Variants in ALKBH2 observed in about 807,000 individuals in gnomAD.
ALKBH2 encodes the protein DNA oxidative demethylase ALKBH2.
A neutral mutation model predicts 19.7 loss-of-function variants in ALKBH2; 19 were observed. That is an observed-to-expected ratio of 0.97 (90% CI 0.67 to 1.42). ALKBH2 has a LOEUF of 1.42. ALKBH2 is among the 40% of genes most tolerant of loss of function. The pLI, the probability that ALKBH2 is intolerant of heterozygous loss-of-function variation, is 0.00. For synonymous variants in ALKBH2, 135 were observed against 131.2 expected (o/e 1.03, Z -0.20); for missense variants, 310 against 328.5 (o/e 0.94, Z 0.43).
In ALKBH2 at chr12:109,092,888, C is replaced by T; in HGVS notation, c.-102G>A. The stretch of plus-strand genomic sequence containing the variant: ...AAATCTGTTTGTCCAAGGGGTCTCA[C>T]AGCAACATTCCTAGTTTCACATTTT... On this transcript the variant is annotated 5_prime_UTR_variant, in exon 2 of 4. The change creates a new upstream start codon in the 5' untranslated region. Coordinates refer to ENST00000429722, the MANE Select transcript of ALKBH2 (RefSeq NM_001145374.2). The T allele has an allele frequency of 1.3e-6, 2 of 1,505,956 alleles. No individual in the cohort carries two copies. Among genetic ancestry groups the T allele is most frequent in the Non-Finnish European group, 1.8e-6 (2 of 1,131,384 alleles). 93.3% of individuals were successfully genotyped at this position (1,505,956 alleles called of 1,614,324 possible). A position where few individuals can be genotyped will look rare whatever the true frequency, so the allele number is the denominator to read the frequency against.
intron 2 of ALKBH2, 186 bp downstream of exon 2, chr12:109,092,321 A>G: frequency 2.2e-6 from 2 of 891,152 alleles, no homozygotes; most frequent in Non-Finnish European, 3.0e-6. Context: ...AGTTTCTTTC[A>G]AGTTTATGTC....
chr12:109,092,351 A>T, intron 2 of ALKBH2, 156 bp downstream of exon 2: 1 of 1,158,380 alleles, frequency 8.6e-7, no homozygotes. Context: ...TAAGGGGCTT[A>T]GCCCAGAGGT....
chr12:109,090,782 C>T (rs145770260), intron 2 of ALKBH2, among the ~76,000 whole-genome samples: 19 of 152,296 alleles, frequency 1.2e-4, no homozygotes, highest in Non-Finnish European at 2.4e-4. Context: ...CTCAAGTGGT[C>T]CGCCCACCTC....
At chr12:109,089,054 G>A (rs145427325) in intron 3 of ALKBH2, among the ~76,000 whole-genome samples, 65 of 152,190 alleles carry the variant, frequency 4.3e-4, no homozygotes, top group Non-Finnish European at 4.6e-4. Flanking sequence ...CCAAAATCAC[G>A]TCTTACTGTA....
Position 109,088,214 on chromosome 12 carries a change from T to C in ALKBH2, c.778A>G (p.Lys260Glu), listed in dbSNP as rs1566113454. The change falls in exon 4 of 4, where the codon AAA (lysine) becomes GAA (glutamate). Residue 260 changes from lysine (K) to glutamate (E), a missense_variant. Coordinates refer to ENST00000429722, the MANE Select transcript of ALKBH2 (RefSeq NM_001145374.2). This position sits in a 1 kb window ranked among gnomAD's most constrained non-coding sequence, Gnocchi z 4.2. ...AACTGTTAAAAATGTTTTTATTTTT[T>C]AGTAAGCAAAATTTTACGAAAAGTC... The part of the protein sequence containing the change: ...NLTFRKILLT[K>E]K The C allele has an allele frequency of 8.8e-6, 14 of 1,591,748 alleles. No homozygotes were observed. The highest frequency in any genetic ancestry group is 1.0e-5 in the Non-Finnish European group (12 of 1,167,274).
In ALKBH2 at chr12:109,092,579, T is replaced by C. The variant is rs1396736314; in HGVS notation, c.208A>G (p.Thr70Ala). The C allele has an allele frequency of 6.2e-7, 1 of 1,613,822 alleles. No individual in the cohort carries two copies. Among genetic ancestry groups the C allele is most frequent in the Non-Finnish European group, 8.5e-7 (1 of 1,179,798 alleles). The change falls in exon 2 of 4, where the codon ACA becomes GCA. Residue 70 changes from threonine to alanine, a missense_variant. Coordinates refer to ENST00000429722, the MANE Select transcript of ALKBH2 (RefSeq NM_001145374.2). ...GCCTCAGCTTTGCCAAACAGGACTG[T>C]GTAACTGCAGTCCAGGCCCTCAGCC... ...IRAEGLDCSY[T>A]VLFGKAEADE...
Position 109,092,652 on chromosome 12 carries a change from G to A in ALKBH2, c.135C>T (p.Ala45=), listed in dbSNP as rs757207138. 1.9e-6 allele frequency: 3 copies of A among 1,613,966 alleles called. No homozygotes were observed. The highest frequency in any genetic ancestry group is 1.7e-5 in the Admixed American group (1 of 59,994). ...CTGCTGAGTGGCCTCCATTCCCTGG[G>A]GCCTCTCTCCTGGGCCTCTTCCTTG... ...ESTRKRPRRE[A]PGNGGHSAGP... Residue 45 remains alanine (A), a synonymous_variant, in exon 2 of 4, where the codon GCC becomes GCT. Coordinates refer to ENST00000429722, the MANE Select transcript of ALKBH2 (RefSeq NM_001145374.2).
In ALKBH2 at chr12:109,088,645, G is replaced by A; in HGVS notation, c.480-133C>T. ...TGTACCTGCCGTTGTTTCTGCGAGG[G>A]CTTGAGGTCCACAGTGGGCTCTAAG... is the stretch of plus-strand genomic sequence containing the variant. On this transcript the variant is annotated intron_variant, in intron 3 of 3. Transcript: ENST00000429722. The surrounding 1 kb of genome is among the most constrained non-coding windows in gnomAD (Gnocchi z 4.2). The A allele has an allele frequency of 1.3e-6, 1 of 797,034 alleles. No homozygotes were observed. Among genetic ancestry groups the A allele is most frequent in the East Asian group, 2.7e-5 (1 of 37,522 alleles). 49.4% of individuals were successfully genotyped at this position (797,034 alleles called of 1,614,324 possible).
rs761389421 is a variant in ALKBH2, at chr12:109,092,475, A to ACG, written c.280+31_280+32insCG. 1.6e-5 allele frequency: 17 copies of ACG among 1,054,534 alleles called. No individual in the cohort carries two copies. In the African/African-American group the frequency reaches 2.2e-4, roughly 14 times the overall value. 65.3% of individuals were successfully genotyped at this position (1,054,534 alleles called of 1,614,324 possible). ...ATTGCACCAAACAAGCCCTCAATGC[A>ACG]CACACACACACACACACACCCCTCT... On this transcript the variant is annotated intron_variant, in intron 2 of 3. Coordinates refer to ENST00000429722, the MANE Select transcript of ALKBH2 (RefSeq NM_001145374.2).
Position 109,088,390 on chromosome 12 carries a change from T to A in ALKBH2, c.602A>T (p.Asp201Val), listed in dbSNP as rs768043813. The A allele has an allele frequency of 6.2e-7, 1 of 1,613,526 alleles. No individual in the cohort carries two copies. The stretch of plus-strand genomic sequence containing the variant: ...CCTGGAGGGGCTTTTCCCACGGGAA[T>A]CCTTATGCCGGAAGACAAAGTCTCT... The part of the protein sequence containing the change: ...ACRDFVFRHK[D>V]SRGKSPSRRV... Residue 201 changes from aspartate to valine, a missense_variant, in exon 4 of 4, where the codon GAT becomes GTT. Asp to Val is a radical substitution (Grantham distance 152). Coordinates refer to ENST00000429722, the MANE Select transcript of ALKBH2 (RefSeq NM_001145374.2). The surrounding 1 kb of genome is among the most constrained non-coding windows in gnomAD (Gnocchi z 4.2).
rs1426973137 is a variant in ALKBH2, at chr12:109,092,633, A to G, written c.154T>C (p.Ser52Pro). The change falls in exon 2 of 4, where the codon TCA becomes CCA. Residue 52 changes from serine (S) to proline (P), a missense_variant. By Grantham distance (74) the Ser-to-Pro change is moderately conservative (BLOSUM62 -1). Transcript: ENST00000429722. The stretch of plus-strand genomic sequence containing the variant: ...ATGTGCCGCCAGCTAGGGCCTGCTG[A>G]GTGGCCTCCATTCCCTGGGGCCTCT... The part of the protein sequence containing the change: ...RREAPGNGGH[S>P]AGPSWRHIRA... 1.2e-6 allele frequency: 2 copies of G among 1,614,074 alleles called. No individual in the cohort carries two copies. Among genetic ancestry groups the G allele is most frequent in the East Asian group, 2.2e-5 (1 of 44,898 alleles).
intron 3 of ALKBH2, chr12:109,089,502 CTG>C: frequency 5.6e-6 from 1 of 177,992 alleles, no homozygotes; most frequent in South Asian, 1.2e-4. Flanking sequence ...CAACGAATGA[CTG>C]GGCCCAAAAT....
At position 109,090,220 on chromosome 12, in the gene ALKBH2, A is replaced by C. The variant is rs777731912; in HGVS notation, c.281-13T>G. 6.2e-7 allele frequency: 1 copy of C among 1,611,456 alleles called. No homozygotes were observed. The highest frequency in any genetic ancestry group is 1.7e-5 in the Admixed American group (1 of 60,014). Reference sequence around the variant, plus strand: ...CTGGCCAGTGCTCCTGTGCAGAGGAAACATGGCAGTTCCTTTCTACCTGAC... The same window carrying C: ...CTGGCCAGTGCTCCTGTGCAGAGGACACATGGCAGTTCCTTTCTACCTGAC... On this transcript the variant is annotated splice_polypyrimidine_tract_variant and intron_variant, in intron 2 of 3. Transcript: ENST00000429722.
intron 2 of ALKBH2, among the ~76,000 whole-genome samples, chr12:109,090,882 AC>A (rs1188455983): frequency 3.3e-5 from 5 of 152,234 alleles, no homozygotes; most frequent in Non-Finnish European, 7.3e-5. Context: ...CTCTTGTTCT[AC>A]AAGGAGAGAA....
intron 3 of ALKBH2, among the ~76,000 whole-genome samples, chr12:109,089,379 T>C (rs1452990685): frequency 6.6e-6 from 1 of 151,974 alleles, no homozygotes; most frequent in Non-Finnish European, 1.5e-5. Context: ...TCCACCAGGG[T>C]GATTCTGCCC....
rs923749321 is a variant in ALKBH2, at chr12:109,088,630, G to A, written c.480-118C>T. On this transcript the variant is annotated intron_variant, in intron 3 of 3. Coordinates refer to ENST00000429722, the MANE Select transcript of ALKBH2 (RefSeq NM_001145374.2). This position sits in a 1 kb window ranked among gnomAD's most constrained non-coding sequence, Gnocchi z 4.2. ...AGCACTCTGCATGGCTGTACCTGCC[G>A]TTGTTTCTGCGAGGGCTTGAGGTCC... 4.4e-5 allele frequency: 43 copies of A among 981,190 alleles called. No homozygotes were observed. The highest frequency in any genetic ancestry group is 2.6e-4 in the East Asian group (10 of 38,868). The allele number at this position is 981,190 out of a possible 1,614,324, so 60.8% of individuals were successfully genotyped here. A position where few individuals can be genotyped will look rare whatever the true frequency, so the allele number is the denominator to read the frequency against.
In ALKBH2 at chr12:109,088,514, T is replaced by C. The variant is rs764733800; in HGVS notation, c.480-2A>G. ...ATGTGGTCACAGCCATCTTTATACCTGCAATGAGAAAACAAACACAGTGCA... is the reference window on the plus strand; with the variant it reads ...ATGTGGTCACAGCCATCTTTATACCCGCAATGAGAAAACAAACACAGTGCA... On this transcript the variant is annotated splice_acceptor_variant, in intron 3 of 3. Transcript: ENST00000429722. LOFTEE classifies it high-confidence loss of function. The surrounding 1 kb of genome is among the most constrained non-coding windows in gnomAD (Gnocchi z 4.2). The C allele has an allele frequency of 1.3e-6, 2 of 1,579,364 alleles. No individual in the cohort carries two copies. Among genetic ancestry groups the C allele is most frequent in the Non-Finnish European group, 1.7e-6 (2 of 1,159,170 alleles).
In ALKBH2 at chr12:109,090,198, G is replaced by A. The variant is rs2042040673; in HGVS notation, c.290C>T (p.Ala97Val). 1 of 1,613,392 alleles carries A rather than the reference G, an allele frequency of 6.2e-7. No individual in the cohort carries two copies. Among genetic ancestry groups the A allele is most frequent in the Admixed American group, 1.7e-5 (1 of 60,008 alleles). ...CCACTTCCCGAATACCTGGACTCTGGCCAGTGCTCCTGTGCAGAGGAAACA... is the reference window on the plus strand; with the variant it reads ...CCACTTCCCGAATACCTGGACTCTGACCAGTGCTCCTGTGCAGAGGAAACA... ...KEVEYFTGAL[A>V]RVQVFGKWHS... is the part of the protein sequence containing the mutation. The change falls in exon 3 of 4, where the codon GCC (alanine) becomes GTC (valine). Residue 97 changes from alanine (A) to valine (V), a missense_variant. By Grantham distance (64) the Ala-to-Val change is moderately conservative. Transcript: ENST00000429722.
In ALKBH2 at chr12:109,088,522, G is replaced by A; in HGVS notation, c.480-10C>T. The A allele has an allele frequency of 6.4e-7, 1 of 1,574,762 alleles. No individual in the cohort carries two copies. Among genetic ancestry groups the A allele is most frequent in the Non-Finnish European group, 8.6e-7 (1 of 1,157,422 alleles). On this transcript the variant is annotated splice_polypyrimidine_tract_variant and intron_variant, in intron 3 of 3. Coordinates refer to ENST00000429722, the MANE Select transcript of ALKBH2 (RefSeq NM_001145374.2). This position sits in a 1 kb window ranked among gnomAD's most constrained non-coding sequence, Gnocchi z 4.2. The stretch of plus-strand genomic sequence containing the variant: ...ACAGCCATCTTTATACCTGCAATGA[G>A]AAAACAAACACAGTGCATAAAAACA...
Sources: gnomAD v4.1 joint callset for allele counts (sites outside exome capture counted in the v4.1 genomes callset) on GRCh38, gnomAD v4.1.1 for gene constraint, Gnocchi (gnomAD v3.1) non-coding constraint, MANE v1.5 for transcripts, NCBI Gene and HGNC (gene_info 2026-07-23, HGNC 2026-07-21) for gene names.